IFI44L: variants seen among roughly 807,000 people sequenced by gnomAD.
IFI44L encodes interferon induced protein 44 like.
IFI44L carries 40 observed loss-of-function variants against 39.3 expected under a neutral mutation model. That is an observed-to-expected ratio of 1.02 (90% CI 0.79 to 1.33). IFI44L has a LOEUF of 1.33. Ranked by LOEUF, IFI44L falls within the 40% of genes most tolerant of loss-of-function variation. The pLI is 0.00. For missense variants in IFI44L, 623 were observed against 549.0 expected (o/e 1.13, Z -1.35); for synonymous variants, 198 against 182.3 (o/e 1.09, Z -0.69).
intron 4 of IFI44L, among the ~76,000 whole-genome samples, chr1:78,632,568 A>G (rs1434129219): frequency 2.0e-5 from 3 of 152,228 alleles, no homozygotes; most frequent in African/African-American, 7.2e-5. Flanking sequence ...GCATATAAAA[A>G]TGTCGCAGAT....
intron 6 of IFI44L, among the ~76,000 whole-genome samples, chr1:78,638,628 G>A (rs751569845): frequency 1.3e-5 from 2 of 151,842 alleles, no homozygotes; most frequent in Non-Finnish European, 2.9e-5. Flanking sequence ...CCTATCTTGG[G>A]TATTATGGTT....
chr1:78,641,703 C>T (rs1646987645), intron 8 of IFI44L, 72 bp from the exon 9 acceptor site: 1 of 1,602,890 alleles, frequency 6.2e-7, no homozygotes. Context: ...TGGGGCCCAC[C>T]TGCATGCCCT....
intron 5 of IFI44L, chr1:78,636,806 C>A (rs558205929): frequency 2.3e-5 from 10 of 429,158 alleles, no homozygotes; most frequent in Non-Finnish European, 3.7e-5. Flanking sequence ...GGATAATTAT[C>A]ATTTTTACCA....
chr1:78,620,983 C>A (rs922071456), intron 1 of IFI44L: 1 of 152,182 alleles, frequency 6.6e-6, no homozygotes, highest in African/African-American at 2.4e-5. Context: ...TAAGTGACTT[C>A]TTGCCATCCA....
Position 78,624,545 on chromosome 1 carries a change from A to G in IFI44L, c.-10-3361A>G, listed in dbSNP as rs553782353. ...TATAATACACTTGAGAAGAATGTGT[A>G]TTTTGTTGTTGCTGGGTGGAATGCC... On this transcript the variant is annotated intron_variant, in intron 1 of 8. Coordinates refer to ENST00000370751, the MANE Select transcript of IFI44L (RefSeq NM_006820.4). 1.1e-4 allele frequency among the ~76,000 whole-genome samples: 16 copies of G among 152,254 alleles called. No homozygotes were observed. In the South Asian group the frequency reaches 3.3e-3, roughly 32 times the overall value.
In IFI44L at chr1:78,645,338, C is replaced by G. The variant is rs899106060; in HGVS notation, c.*3529C>G. 2.6e-5 allele frequency: 4 copies of G among 152,266 alleles called. No homozygotes were observed. The highest frequency in any genetic ancestry group is 4.4e-5 in the Non-Finnish European group (3 of 68,026). 9.4% of individuals were successfully genotyped at this position (152,266 alleles called of 1,614,324 possible). A position where few individuals can be genotyped will look rare whatever the true frequency, so the allele number is the denominator to read the frequency against. ...CCCTCATGCTTGGCCCAAATAAACT[C>G]TCTACTTATATCAGTTTTTCCTACA... On this transcript the variant is annotated 3_prime_UTR_variant, in exon 9 of 9. Transcript: ENST00000370751.
chr1:78,641,785 G>A lies in IFI44L; in HGVS notation c.1335G>A (p.Glu445=). 6.2e-7 allele frequency: 1 copy of A among 1,613,732 alleles called. No individual in the cohort carries two copies. Among genetic ancestry groups the A allele is most frequent in the Non-Finnish European group, 8.5e-7 (1 of 1,179,690 alleles). ...TTGTTTCATTTTCAGGTGCAATTGA[G>A]AGAGCGTTACAGCCCTGCATTTGAG... ...DLPLEETGAI[E]RALQPCI Residue 445 remains glutamate, a synonymous_variant, in exon 9 of 9, where the codon GAG becomes GAA. Transcript: ENST00000370751.
At chr1:78,641,738 T>C (rs766740396) in intron 8 of IFI44L, 37 bp from the exon 9 acceptor site, 11 of 1,612,404 alleles carry the variant, frequency 6.8e-6, no homozygotes, top group Middle Eastern at 1.6e-4. Context: ...CATTAGGATA[T>C]ATGTTTCATT....
intron 4 of IFI44L, among the ~76,000 whole-genome samples, chr1:78,633,403 G>A (rs1182215667): frequency 6.6e-6 from 1 of 152,164 alleles, no homozygotes; most frequent in Non-Finnish European, 1.5e-5. Context: ...TCAGTCCCTG[G>A]ACCACACCAT....
At chr1:78,624,177 T>C (rs1652395944) in intron 1 of IFI44L, among the ~76,000 whole-genome samples, 1 of 152,004 alleles carries the variant, frequency 6.6e-6, no homozygotes, top group Non-Finnish European at 1.5e-5. Context: ...TGTATTTTTG[T>C]TAGAGACGGG....
rs1012684532 is a variant in IFI44L at position 78,644,002 on chromosome 1, G to A, written c.*2193G>A. 2.6e-5 allele frequency: 4 copies of A among 152,118 alleles called. No individual in the cohort carries two copies. The highest frequency in any genetic ancestry group is 4.4e-5 in the Non-Finnish European group (3 of 68,026). 9.4% of individuals were successfully genotyped at this position (152,118 alleles called of 1,614,324 possible). On this transcript the variant is annotated 3_prime_UTR_variant, in exon 9 of 9. Coordinates refer to ENST00000370751, the MANE Select transcript of IFI44L (RefSeq NM_006820.4). ...AGTGGTTAATGTTTGCTGTTCATTAGGATGGTTTCACAGTTACCATACAAA... is the reference window on the plus strand; with the variant it reads ...AGTGGTTAATGTTTGCTGTTCATTAAGATGGTTTCACAGTTACCATACAAA...
At position 78,645,089 on chromosome 1, in the gene IFI44L, C is replaced by A. The variant is rs763543167; in HGVS notation, c.*3280C>A. 1 of 152,190 alleles carries A rather than the reference C, an allele frequency of 6.6e-6. No homozygotes were observed. The highest frequency in any genetic ancestry group is 2.4e-5 in the African/African-American group (1 of 41,442). The allele number at this position is 152,190 out of a possible 1,614,324, so 9.4% of individuals were successfully genotyped here. ...ATAGCTGGGGGCAATTGTTTAAAGTCATTTTGTTCCCGACTAGCTGCCTTG... is the reference window on the plus strand; with the variant it reads ...ATAGCTGGGGGCAATTGTTTAAAGTAATTTTGTTCCCGACTAGCTGCCTTG... On this transcript the variant is annotated 3_prime_UTR_variant, in exon 9 of 9. Transcript: ENST00000370751.
chr1:78,623,860 C>T (rs1003871133), intron 1 of IFI44L, among the ~76,000 whole-genome samples: 2 of 152,174 alleles, frequency 1.3e-5, no homozygotes, highest in African/African-American at 4.8e-5. Flanking sequence ...TGCTCTTCCT[C>T]TGCCTTTTTG....
Position 78,642,859 on chromosome 1 carries a change from T to C in IFI44L, c.*1050T>C, listed in dbSNP as rs751814130. 6.6e-6 allele frequency: 1 copy of C among 152,120 alleles called. No homozygotes were observed. Among genetic ancestry groups the C allele is most frequent in the Non-Finnish European group, 1.5e-5 (1 of 67,992 alleles). The allele number at this position is 152,120 out of a possible 1,614,324, so 9.4% of individuals were successfully genotyped here. ...CATCCTAGCCATGTGTCCTTCCATT[T>C]AGGTTACTGGGGCAAATCAGTAAGA... On this transcript the variant is annotated 3_prime_UTR_variant, in exon 9 of 9. Transcript: ENST00000370751.
At position 78,635,392 on chromosome 1, in the gene IFI44L, T is replaced by G. The variant is rs1434616567; in HGVS notation, c.779T>G (p.Leu260Trp). Residue 260 changes from leucine (L) to tryptophan (W), a missense_variant, in exon 5 of 9, where the codon TTG (leucine) becomes TGG (tryptophan). Leu to Trp is a moderately conservative substitution (Grantham distance 61, BLOSUM62 -2). Transcript: ENST00000370751. ...AATGGAAAATCTCTGCCATTTATGT[T>G]GTGTGACACTATGGGGCTAGATGGG... ...GKNGKSLPFMLCDTMGLDGAE... is the reference protein window; with the variant it reads ...GKNGKSLPFMWCDTMGLDGAE... The G allele has an allele frequency of 1.9e-6, 3 of 1,612,620 alleles. No homozygotes were observed. The highest frequency in any genetic ancestry group is 1.7e-5 in the Admixed American group (1 of 59,986).
chr1:78,636,758 CA>C (rs1396680748), intron 5 of IFI44L: 2 of 331,738 alleles, frequency 6.0e-6, no homozygotes, highest in Non-Finnish European at 1.1e-5. Context: ...ATTAGCTTTT[CA>C]AAAATATTAT....
chr1:78,641,518 C>T lies in IFI44L; in HGVS notation c.1233C>T (p.Asp411=), dbSNP rs745485562. The part of the protein sequence containing the change: ...VGNYASDLEL[D]PMKDILILSA... ...ATTATGCTTCAGATTTGGAACTGGA[C>T]CCCATGAAGGATATTCTCATCCTCT... is the stretch of plus-strand genomic sequence containing the variant. The change falls in exon 8 of 9, where the codon GAC becomes GAT. Residue 411 remains aspartate, a synonymous_variant. Transcript: ENST00000370751. 1.1e-5 allele frequency: 18 copies of T among 1,613,478 alleles called. No individual in the cohort carries two copies. The African/African-American group carries it at 2.3e-4, about 20-fold the overall frequency.
chr1:78,637,853 A>G (rs1653009788), intron 6 of IFI44L, among the ~76,000 whole-genome samples: 1 of 152,130 alleles, frequency 6.6e-6, no homozygotes, highest in Admixed American at 6.6e-5. Flanking sequence ...CAGTTTAACC[A>G]TGCTCTATCA....
chr1:78,632,531 A>G (rs1213947824), intron 4 of IFI44L, among the ~76,000 whole-genome samples: 1 of 152,212 alleles, frequency 6.6e-6, no homozygotes, highest in Non-Finnish European at 1.5e-5. Context: ...TCAAAGTATA[A>G]GACAAACCAA....
Sources: gnomAD v4.1 joint callset for allele counts (sites outside exome capture counted in the v4.1 genomes callset) on GRCh38, gnomAD v4.1.1 for gene constraint, MANE v1.5 for transcripts, NCBI Gene and HGNC (gene_info 2026-07-23, HGNC 2026-07-21) for gene names.